Variants in DIP2B observed in about 807,000 individuals in gnomAD.
DIP2B encodes the protein disco-interacting protein 2 homolog B.
Under a neutral mutation model 198.0 loss-of-function variants are expected in DIP2B, and 76 were observed. That is an observed-to-expected ratio of 0.38 (90% CI 0.32 to 0.46). DIP2B has a LOEUF of 0.46. DIP2B is among the 20% of genes least tolerant of loss of function. DIP2B has a pLI of 0.99. For synonymous variants in DIP2B, 701 were observed against 739.1 expected (o/e 0.95, Z 0.84); for missense variants, 1,559 against 1,978.4 (o/e 0.79, Z 4.02).
In DIP2B at chr12:50,745,045, A is replaced by T; in HGVS notation, c.*206A>T. ...TGAAAAAAATGTTAACATTTGGTAG[A>T]CATGTGCTTTGACATAGCGTGAGCA... On this transcript the variant is annotated 3_prime_UTR_variant, in exon 38 of 38. Coordinates refer to ENST00000301180, the MANE Select transcript of DIP2B (RefSeq NM_173602.3). 1 of 653,028 alleles carries T rather than the reference A, an allele frequency of 1.5e-6. No individual in the cohort carries two copies. Among genetic ancestry groups the T allele is most frequent in the Non-Finnish European group, 2.5e-6 (1 of 394,114 alleles). The allele number at this position is 653,028 out of a possible 1,614,324, so 40.5% of individuals were successfully genotyped here. A position where few individuals can be genotyped will look rare whatever the true frequency, so the allele number is the denominator to read the frequency against.
intron 1 of DIP2B, among the ~76,000 whole-genome samples, chr12:50,623,437 A>ACACACACACACACT (rs1308369241): frequency 7.0e-5 from 4 of 57,110 alleles, no homozygotes; most frequent in African/African-American, 3.0e-4. Flanking sequence ...ACACACACAC[A>ACACACACACACACT]CTCTCTCTCT....
In DIP2B at chr12:50,546,362, G is replaced by C. The variant is rs1461635047; in HGVS notation, c.100+41122G>C. 4.6e-5 allele frequency among the ~76,000 whole-genome samples: 7 copies of C among 152,146 alleles called. No individual in the cohort carries two copies. In the East Asian group the frequency reaches 1.3e-3, roughly 29 times the overall value. ...TAAAAAAATTTCAACTTTTATTTTA[G>C]GTTCAGGGGGTACATGTAAATGTTT... On this transcript the variant is annotated intron_variant, in intron 1 of 37. Coordinates refer to ENST00000301180, the MANE Select transcript of DIP2B (RefSeq NM_173602.3).
chr12:50,526,063 T>G (rs1475712973), intron 1 of DIP2B, among the ~76,000 whole-genome samples: 1 of 152,236 alleles, frequency 6.6e-6, no homozygotes, highest in Non-Finnish European at 1.5e-5. Flanking sequence ...ATGTTTGTTT[T>G]TTGAGTGCAG....
intron 21 of DIP2B, 135 bp from the exon 22 acceptor site, chr12:50,708,313 T>C (rs1333878352): frequency 6.0e-6 from 4 of 671,826 alleles, no homozygotes; most frequent in African/African-American, 1.8e-5. Flanking sequence ...GAGTAATGAT[T>C]ATGACATTTT....
chr12:50,708,319 A>G, intron 21 of DIP2B, 129 bp from the exon 22 acceptor site: 1 of 699,968 alleles, frequency 1.4e-6, no homozygotes, highest in Non-Finnish European at 2.5e-6. Flanking sequence ...TGATTATGAC[A>G]TTTTCTTTTC....
intron 1 of DIP2B, among the ~76,000 whole-genome samples, chr12:50,601,334 T>A (rs545669145): frequency 6.2e-4 from 72 of 115,476 alleles, no homozygotes; most frequent in African/African-American, 3.6e-3. Flanking sequence ...TATCTATATA[T>A]TTTTTTGTTT....
chr12:50,512,820 A>G (rs1958029948), intron 1 of DIP2B, among the ~76,000 whole-genome samples: 1 of 152,216 alleles, frequency 6.6e-6, no homozygotes, highest in Admixed American at 6.5e-5. Context: ...AGCCTGGGCA[A>G]CATGGTGAAA....
chr12:50,607,621 AAC>A (rs1449665848), intron 1 of DIP2B, among the ~76,000 whole-genome samples: 4 of 152,196 alleles, frequency 2.6e-5, no homozygotes, highest in Non-Finnish European at 5.9e-5. Flanking sequence ...TTTTTGTTCA[AAC>A]ACAGTCTTGC....
In DIP2B at chr12:50,745,080, T is replaced by G; in HGVS notation, c.*241T>G. On this transcript the variant is annotated 3_prime_UTR_variant, in exon 38 of 38. Coordinates refer to ENST00000301180, the MANE Select transcript of DIP2B (RefSeq NM_173602.3). ...TGACATAGCGTGAGCAGCACATTAC[T>G]AAAGCAATTACATGCATGTTGCATT... 1 of 510,586 alleles carries G rather than the reference T, an allele frequency of 2.0e-6. No homozygotes were observed. The highest frequency in any genetic ancestry group is 2.5e-5 in the South Asian group (1 of 40,194). The allele number at this position is 510,586 out of a possible 1,614,324, so 31.6% of individuals were successfully genotyped here. A position where few individuals can be genotyped will look rare whatever the true frequency, so the allele number is the denominator to read the frequency against.
chr12:50,634,443 CA>C, intron 2 of DIP2B, among the ~76,000 whole-genome samples: 1 of 152,298 alleles, frequency 6.6e-6, no homozygotes, highest in East Asian at 1.9e-4. Flanking sequence ...TCTAAACTTA[CA>C]GGGGTTACTG....
rs1038703141 is a variant in DIP2B at position 50,625,850 on chromosome 12, T to C, written c.101-126T>C. The C allele has an allele frequency of 1.5e-5, 13 of 889,486 alleles. No individual in the cohort carries two copies. In the African/African-American group the frequency reaches 2.0e-4, roughly 14 times the overall value. The allele number at this position is 889,486 out of a possible 1,614,324, so 55.1% of individuals were successfully genotyped here. On this transcript the variant is annotated intron_variant, in intron 1 of 37. Coordinates refer to ENST00000301180, the MANE Select transcript of DIP2B (RefSeq NM_173602.3). ...AAATCCTTGGCAAAGAACCATACAT[T>C]CCCCCCCCCAACCCCCTGCCTCTAT...
At chr12:50,544,222 CAA>C (rs148543495) in intron 1 of DIP2B, among the ~76,000 whole-genome samples, 2 of 142,928 alleles carry the variant, frequency 1.4e-5, no homozygotes, top group African/African-American at 2.6e-5. Flanking sequence ...GACTCCATCT[CAA>C]AAAAAAAAAA....
chr12:50,516,951 G>A (rs1282259213), intron 1 of DIP2B, among the ~76,000 whole-genome samples: 4 of 151,910 alleles, frequency 2.6e-5, no homozygotes, highest in African/African-American at 4.8e-5. Flanking sequence ...AGCCAAGATC[G>A]TGCCACTGCA....
intron 1 of DIP2B, among the ~76,000 whole-genome samples, chr12:50,505,904 GCATCTGGT>G (rs1957964691): frequency 1.3e-5 from 2 of 151,846 alleles, no homozygotes; most frequent in South Asian, 4.2e-4. Flanking sequence ...CGAATTTTCC[GCATCTGGT>G]CACCTTTTGG....
chr12:50,679,081 T>A, intron 8 of DIP2B: 1 of 589,346 alleles, frequency 1.7e-6, no homozygotes, highest in Non-Finnish European at 2.9e-6. Context: ...AGCTAATATT[T>A]AAAAGACAGC....
chr12:50,585,391 T>C (rs1281968515), intron 1 of DIP2B, among the ~76,000 whole-genome samples: 1 of 152,082 alleles, frequency 6.6e-6, no homozygotes, highest in African/African-American at 2.4e-5. Flanking sequence ...AGATGAAGCG[T>C]GGGCTAAGGG....
intron 1 of DIP2B, among the ~76,000 whole-genome samples, chr12:50,554,962 T>G (rs1177889650): frequency 6.6e-6 from 1 of 150,530 alleles, no homozygotes; most frequent in Non-Finnish European, 1.5e-5. Flanking sequence ...GAGATGGGGG[T>G]TTCACCGTGT....
intron 1 of DIP2B, among the ~76,000 whole-genome samples, chr12:50,557,568 T>C (rs753423345): frequency 1.3e-5 from 2 of 152,214 alleles, no homozygotes; most frequent in Non-Finnish European, 2.9e-5. Flanking sequence ...GAGTGGATGA[T>C]GGTGGCTGCC....
intron 1 of DIP2B, among the ~76,000 whole-genome samples, chr12:50,511,036 CCTGGG>C (rs1419440699): frequency 1.3e-5 from 2 of 149,626 alleles, no homozygotes; most frequent in Non-Finnish European, 3.0e-5. Context: ...ACCTCTGCCT[CCTGGG>C]TTCAAGGGAT....
Sources: allele counts gnomAD v4.1 joint callset (sites outside exome capture counted in the v4.1 genomes callset), GRCh38; gene constraint gnomAD v4.1.1; transcripts MANE v1.5; gene names NCBI Gene and HGNC (gene_info 2026-07-23, HGNC 2026-07-21).